DAB1: variants seen among roughly 807,000 people sequenced by gnomAD.
DAB1 encodes DAB adaptor protein 1.
DAB1 carries 15 observed loss-of-function variants against 64.6 expected under a neutral mutation model. The observed-to-expected ratio is 0.23, with a 90% CI of 0.16 to 0.36. The LOEUF is 0.36. Among genes scored for constraint, DAB1 ranks in the 10% least tolerant of loss-of-function variants. The pLI is 1.00. For synonymous variants in DAB1, 235 were observed against 251.9 expected, an observed-to-expected ratio of 0.93 and a Z score of 0.64; for missense variants, 596 against 706.7, an observed-to-expected ratio of 0.84 and a Z score of 1.78.
chr1:57,234,573 T>G (rs1050052353), intron 2 of DAB1, among the ~76,000 whole-genome samples: 17 of 152,186 alleles, frequency 1.1e-4, no homozygotes, highest in Non-Finnish European at 1.5e-5. Context: ...TTGTATTAGT[T>G]TCCTGCTGCC....
chr1:57,367,045 AAAT>A (rs1428840707), intron 1 of DAB1, among the ~76,000 whole-genome samples: 1 of 9,346 alleles, frequency 1.1e-4, no homozygotes, highest in Non-Finnish European at 1.5e-4. Context: ...TGTCTCCACA[AAAT>A]AAAATAAAAT....
intron 6 of DAB1, among the ~76,000 whole-genome samples, chr1:57,705,018 G>T (rs906533812): frequency 6.6e-6 from 1 of 151,956 alleles, no homozygotes; most frequent in Non-Finnish European, 1.5e-5. Context: ...TGAGCTTTTA[G>T]TGTGGCATAA....
chr1:57,147,609 G>A (rs1166836574), intron 2 of DAB1, among the ~76,000 whole-genome samples: 3 of 151,988 alleles, frequency 2.0e-5, no homozygotes, highest in Non-Finnish European at 2.9e-5. Context: ...TAAGAACAAA[G>A]GGACATTTGC....
chr1:58,391,329 A>T (rs1388065275), intron 3 of DAB1, among the ~76,000 whole-genome samples: 1 of 152,226 alleles, frequency 6.6e-6, no homozygotes, highest in Non-Finnish European at 1.5e-5. Context: ...CCAGGCTTCC[A>T]CTAGTACCAT....
rs548939480 is a variant in DAB1, at chr1:57,810,753, G to T, written n.551+73246C>A. Among the ~76,000 whole-genome samples, 131 of 152,310 alleles carry T rather than the reference G, an allele frequency of 8.6e-4. 1 individual carries two copies. The highest frequency in any genetic ancestry group is 3.1e-3 in the African/African-American group (130 of 41,558). On this transcript the variant is annotated intron_variant and non_coding_transcript_variant, in intron 6 of 20. Transcript: ENST00000485760. ...TAAAAGTAGGACTTCTCATACTGAAGTTGCCTGCTTACAACTAGGCCCTAA... is the reference window on the plus strand; with the variant it reads ...TAAAAGTAGGACTTCTCATACTGAATTTGCCTGCTTACAACTAGGCCCTAA...
At chr1:57,593,174 C>T (rs927282044) in intron 7 of DAB1, among the ~76,000 whole-genome samples, 1 of 152,224 alleles carries the variant, frequency 6.6e-6, no homozygotes, top group African/African-American at 2.4e-5. Flanking sequence ...TCCCCAGCCC[C>T]TGACAGCCTC....
At chr1:57,268,192 C>T (rs1454517266) in intron 2 of DAB1, among the ~76,000 whole-genome samples, 2 of 152,136 alleles carry the variant, frequency 1.3e-5, no homozygotes, top group Admixed American at 6.5e-5. Context: ...GCGGTGTGCA[C>T]CCGGAGTGCA....
intron 5 of DAB1, among the ~76,000 whole-genome samples, chr1:58,080,952 T>A (rs12760204): frequency 2.0e-5 from 3 of 152,178 alleles, no homozygotes; most frequent in Non-Finnish European, 4.4e-5. Context: ...ACTAGCAACA[T>A]GCCAAGGACA....
chr1:57,095,549 C>G (rs1392822749), intron 4 of DAB1, among the ~76,000 whole-genome samples: 1 of 152,180 alleles, frequency 6.6e-6, no homozygotes, highest in Non-Finnish European at 1.5e-5. Flanking sequence ...GTCTCAGTTA[C>G]TTTGGGTTGA....
chr1:57,246,958 A>G (rs778118750), intron 2 of DAB1, among the ~76,000 whole-genome samples: 14 of 152,168 alleles, frequency 9.2e-5, no homozygotes, highest in Non-Finnish European at 1.8e-4. Flanking sequence ...CTGTACCCCC[A>G]TTGTATCTTG....
At chr1:57,062,517 C>G (rs1650504362) in intron 9 of DAB1, among the ~76,000 whole-genome samples, 1 of 152,170 alleles carries the variant, frequency 6.6e-6, no homozygotes, top group Non-Finnish European at 1.5e-5. Flanking sequence ...ATACACAACA[C>G]TATTAGATAC....
intron 2 of DAB1, among the ~76,000 whole-genome samples, chr1:57,289,460 C>A (rs1331484705): frequency 6.6e-6 from 1 of 152,116 alleles, no homozygotes; most frequent in Non-Finnish European, 1.5e-5. Flanking sequence ...TACTTTCTTT[C>A]TATTATTCTT....
rs115842928 is a variant in DAB1 at position 57,011,032 on chromosome 1, G to A, written c.1572+113C>T. 9.6e-4 allele frequency: 1,325 copies of A among 1,387,078 alleles called. 9 individuals are homozygous for A. The African/African-American group carries it at 0.017, about 18-fold the overall frequency. 85.9% of individuals were successfully genotyped at this position (1,387,078 alleles called of 1,614,324 possible). A position where few individuals can be genotyped will look rare whatever the true frequency, so the allele number is the denominator to read the frequency against. ...CTTTAGCAACCCCTTGAGAACTTAT[G>A]AGATTGAGCCAGCATTCTTTTCTAT... On this transcript the variant is annotated intron_variant, in intron 13 of 14. Coordinates refer to ENST00000371236, the MANE Select transcript of DAB1 (RefSeq NM_001365792.1).
intron 7 of DAB1, chr1:57,649,563 A>G (rs1033506208): frequency 1.3e-5 from 2 of 152,188 alleles, no homozygotes; most frequent in African/African-American, 2.4e-5. Flanking sequence ...CCTTGTACCA[A>G]CGATACCCAG....
At chr1:58,129,201 C>T (rs1369237941) in intron 5 of DAB1, among the ~76,000 whole-genome samples, 1 of 151,424 alleles carries the variant, frequency 6.6e-6, no homozygotes, top group African/African-American at 2.4e-5. Flanking sequence ...TGTATGTGTC[C>T]AGGAATTTAT....
chr1:57,954,916 A>G (rs898448785), intron 5 of DAB1, among the ~76,000 whole-genome samples: 9 of 152,188 alleles, frequency 5.9e-5, no homozygotes, highest in African/African-American at 2.2e-4. Flanking sequence ...ATTAGCTGCC[A>G]TGAGTCCTAG....
At chr1:58,296,134 GAAAGAAAGGAAAGAAAGAAA>G (rs1661969066) in intron 4 of DAB1, among the ~76,000 whole-genome samples, 1 of 83,434 alleles carries the variant, frequency 1.2e-5, no homozygotes, top group Non-Finnish European at 2.6e-5. Flanking sequence ...AGAAAAAAAA[GAAAGAAAGGAAAGAAAGAAA>G]AAAGAAAGAA....
chr1:57,389,369 T>C (rs567262648), intron 1 of DAB1, among the ~76,000 whole-genome samples: 150 of 152,330 alleles, frequency 9.8e-4, no homozygotes, highest in South Asian at 5.6e-3. Flanking sequence ...AGGTTCTGCA[T>C]GCCGTAGCCC....
intron 4 of DAB1, among the ~76,000 whole-genome samples, chr1:58,168,907 C>T (rs902419106): frequency 4.6e-5 from 7 of 152,126 alleles, no homozygotes; most frequent in African/African-American, 1.4e-4. Context: ...TCAATAAGGG[C>T]CACTAAATCC....
Sources: gnomAD v4.1 joint callset for allele counts (sites outside exome capture counted in the v4.1 genomes callset) on GRCh38, gnomAD v4.1.1 for gene constraint, MANE v1.5 for transcripts, NCBI Gene and HGNC (gene_info 2026-07-23, HGNC 2026-07-21) for gene names.